The following ESR1 variants were observed in gnomAD, a reference collection of about 807,000 sequenced individuals.
ESR1 encodes the protein estrogen receptor 1.
ESR1 carries 12 observed loss-of-function variants against 52.7 expected under a neutral mutation model. The observed-to-expected ratio is 0.23, with a 90% CI of 0.15 to 0.37. ESR1 has a LOEUF of 0.37. Among genes scored for constraint, ESR1 ranks in the 10% least tolerant of loss-of-function variants. The pLI is 1.00. For synonymous variants in ESR1, 305 were observed against 316.8 expected (o/e 0.96, Z 0.39); for missense variants, 584 against 779.7 (o/e 0.75, Z 2.99).
At chr6:152,005,890 C>G (rs570705310) in intron 4 of ESR1, among the ~76,000 whole-genome samples, 1 of 152,044 alleles carries the variant, frequency 6.6e-6, no homozygotes, top group Non-Finnish European at 1.5e-5. Context: ...AGCTAGTCCT[C>G]AGGCCTGTGG....
chr6:151,888,368 C>G (rs888956560), intron 3 of ESR1, among the ~76,000 whole-genome samples: 1 of 151,914 alleles, frequency 6.6e-6, no homozygotes, highest in Non-Finnish European at 1.5e-5. Context: ...TTTTAGCATA[C>G]AATTCTTTCA....
At chr6:151,724,584 A>G (rs1781702482) in intron 2 of ESR1, among the ~76,000 whole-genome samples, 1 of 139,876 alleles carries the variant, frequency 7.1e-6, no homozygotes, top group Non-Finnish European at 1.6e-5. Context: ...TCACACACAC[A>G]CATACACACA....
At chr6:151,899,379 G>A (rs1796206015) in intron 3 of ESR1, among the ~76,000 whole-genome samples, 1 of 133,392 alleles carries the variant, frequency 7.5e-6, no homozygotes, top group Non-Finnish European at 1.6e-5. Context: ...CCCGGACGGG[G>A]CGGCTGGCCG....
chr6:151,864,550 A>G (rs1313045453), intron 2 of ESR1, among the ~76,000 whole-genome samples: 1 of 152,052 alleles, frequency 6.6e-6, no homozygotes, highest in African/African-American at 2.4e-5. Flanking sequence ...GGGATCTACA[A>G]CTAGAAATAC....
intron 6 of ESR1, among the ~76,000 whole-genome samples, chr6:152,075,907 T>C (rs2048698168): frequency 6.6e-6 from 1 of 152,248 alleles, no homozygotes; most frequent in Non-Finnish European, 1.5e-5. Context: ...TGTTCATTGA[T>C]TTGGCAAGGA....
At chr6:152,010,093 G>A (rs958103857) in intron 4 of ESR1, among the ~76,000 whole-genome samples, 6 of 152,098 alleles carry the variant, frequency 3.9e-5, no homozygotes, top group Admixed American at 2.0e-4. Context: ...ATTATGAAAT[G>A]ATGGTAAGAG....
chr6:151,989,440 G>A (rs559380422), intron 4 of ESR1, among the ~76,000 whole-genome samples: 4 of 151,904 alleles, frequency 2.6e-5, no homozygotes. Context: ...GGCATTTATA[G>A]TTACCTCTGA....
intron 4 of ESR1, among the ~76,000 whole-genome samples, chr6:151,952,467 C>T (rs2128559533): frequency 6.6e-6 from 1 of 152,274 alleles, no homozygotes; most frequent in Admixed American, 6.5e-5. Flanking sequence ...ATTCCCTGAA[C>T]TCCCTTCTCT....
At chr6:151,948,805 G>A (rs977049185) in intron 4 of ESR1, among the ~76,000 whole-genome samples, 1 of 152,200 alleles carries the variant, frequency 6.6e-6, no homozygotes, top group South Asian at 2.1e-4. Context: ...GAGGATGCAT[G>A]GTTGTGTGAG....
intron 1 of ESR1, among the ~76,000 whole-genome samples, chr6:151,680,204 CTTT>C (rs35600661): frequency 1.4e-4 from 18 of 126,796 alleles, no homozygotes; most frequent in Admixed American, 3.3e-4. Context: ...TTTCTTTTCT[CTTT>C]TTTTTTTTTT....
chr6:151,828,495 G>T (rs1417580874), intron 1 of ESR1, among the ~76,000 whole-genome samples: 1 of 152,118 alleles, frequency 6.6e-6, no homozygotes, highest in Non-Finnish European at 1.5e-5. Context: ...CATGAGCCAA[G>T]GCATAAGGAT....
At chr6:151,998,457 G>A (rs1468028294) in intron 4 of ESR1, among the ~76,000 whole-genome samples, 1 of 151,940 alleles carries the variant, frequency 6.6e-6, no homozygotes, top group Admixed American at 6.6e-5. Context: ...ACCGTGCTGG[G>A]TTCTTTGGGA....
intron 6 of ESR1, among the ~76,000 whole-genome samples, chr6:152,074,879 G>C (rs558942078): frequency 6.6e-5 from 10 of 152,280 alleles, no homozygotes; most frequent in African/African-American, 2.4e-4. Context: ...TGCCATCTGT[G>C]TGTCTTCTGT....
At chr6:151,691,700 A>T (rs1778958526) in intron 1 of ESR1, among the ~76,000 whole-genome samples, 1 of 118,678 alleles carries the variant, frequency 8.4e-6, no homozygotes, top group South Asian at 2.2e-4. Context: ...ATATTTTAAT[A>T]TTGAGAGTAA....
chr6:152,016,510 A>G (rs1584825267), intron 5 of ESR1, among the ~76,000 whole-genome samples: 1 of 152,244 alleles, frequency 6.6e-6, no homozygotes, highest in Non-Finnish European at 1.5e-5. Context: ...TTTTGATGGC[A>G]TTGATAGATG....
chr6:151,696,747 C>G (rs1198881250), intron 1 of ESR1, among the ~76,000 whole-genome samples: 1 of 152,076 alleles, frequency 6.6e-6, no homozygotes, highest in Non-Finnish European at 1.5e-5. Context: ...GCCATAACAT[C>G]AACTAATACA....
intron 3 of ESR1, among the ~76,000 whole-genome samples, chr6:151,884,607 G>A (rs575555249): frequency 6.6e-6 from 1 of 152,292 alleles, no homozygotes; most frequent in Non-Finnish European, 1.5e-5. Context: ...TGCATGATTT[G>A]TCTCCATGAA....
intron 4 of ESR1, among the ~76,000 whole-genome samples, chr6:151,990,829 G>A (rs1479535821): frequency 6.6e-6 from 1 of 152,056 alleles, no homozygotes; most frequent in Non-Finnish European, 1.5e-5. Flanking sequence ...GAAAAATTAG[G>A]TCACCTTTCC....
intron 1 of ESR1, among the ~76,000 whole-genome samples, chr6:151,818,340 A>C (rs1780004772): frequency 6.6e-6 from 1 of 152,162 alleles, no homozygotes; most frequent in Non-Finnish European, 1.5e-5. Flanking sequence ...TACTTGACTA[A>C]CAGGTTTTGG....
Sources: gnomAD v4.1 joint callset for allele counts (sites outside exome capture counted in the v4.1 genomes callset) on GRCh38, gnomAD v4.1.1 for gene constraint, MANE v1.5 for transcripts, NCBI Gene and HGNC (gene_info 2026-07-23, HGNC 2026-07-21) for gene names.